SNX6: variants seen among roughly 807,000 people sequenced by gnomAD.
The protein encoded by SNX6 is sorting nexin 6, also known as sorting nexin-6.
In SNX6, 34 loss-of-function variants were observed where a neutral mutation model predicts 63.0. The observed-to-expected ratio is 0.54, with a 90% CI of 0.41 to 0.72. The LOEUF (loss-of-function observed/expected upper bound fraction) is 0.72, where lower values mean the gene tolerates loss of function less well. SNX6 is among the 30% of genes least tolerant of loss of function. The pLI is 0.00. For missense variants in SNX6, 398 were observed against 471.4 expected (o/e 0.84, Z 1.44); for synonymous variants, 170 against 164.2 (o/e 1.04, Z -0.27).
intron 10 of SNX6, among the ~76,000 whole-genome samples, chr14:34,577,501 T>C (rs1321742375): frequency 2.0e-5 from 3 of 152,102 alleles, no homozygotes; most frequent in Non-Finnish European, 4.4e-5. Context: ...AGCTAGAAAA[T>C]GCAGTCAAAG....
chr14:34,563,068 A>G lies in SNX6; in HGVS notation c.*54T>C. ...AAATGCTTAACATCATTAAGAAAAC[A>G]AAAATAAAATTTGAAGGAAGGCAGC... On this transcript the variant is annotated 3_prime_UTR_variant, in exon 14 of 14. Transcript: ENST00000362031. 4 of 1,565,236 alleles carry G rather than the reference A, an allele frequency of 2.6e-6. No homozygotes were observed. Among genetic ancestry groups the G allele is most frequent in the Non-Finnish European group, 2.6e-6 (3 of 1,142,510 alleles).
Position 34,614,891 on chromosome 14 carries a change from A to G in SNX6, c.55-5149T>C, listed in dbSNP as rs1883361141. On this transcript the variant is annotated intron_variant, in intron 2 of 13. Transcript: ENST00000362031. ...CTGCACTCCAGTCTCGTAAGACCCT[A>G]TTTCAAAAATTTTTCTTCCAGATTT... 2.0e-5 allele frequency among the ~76,000 whole-genome samples: 3 copies of G among 152,148 alleles called. No homozygotes were observed. In the South Asian group the frequency reaches 6.2e-4, roughly 32 times the overall value.
At chr14:34,593,401 ACT>A (rs1882475163) in intron 7 of SNX6, among the ~76,000 whole-genome samples, 1 of 147,826 alleles carries the variant, frequency 6.8e-6, no homozygotes. Flanking sequence ...CACGTGCTGT[ACT>A]CTTTTTTTTT....
At chr14:34,609,380 C>T (rs1283413334) in intron 3 of SNX6, among the ~76,000 whole-genome samples, 1 of 146,256 alleles carries the variant, frequency 6.8e-6, no homozygotes, top group Non-Finnish European at 1.5e-5. Flanking sequence ...ACTCTGGAGG[C>T]TGAGGCAGGA....
chr14:34,612,563 A>G, intron 2 of SNX6, among the ~76,000 whole-genome samples: 1 of 152,002 alleles, frequency 6.6e-6, no homozygotes, highest in East Asian at 2.0e-4. Flanking sequence ...CCTCCCGAGT[A>G]GCTAGGACTA....
intron 2 of SNX6, among the ~76,000 whole-genome samples, chr14:34,617,232 G>A (rs902616004): frequency 1.3e-5 from 2 of 152,076 alleles, no homozygotes; most frequent in African/African-American, 2.4e-5. Flanking sequence ...CATGTGTGTC[G>A]CTGGTCAAGA....
intron 7 of SNX6, among the ~76,000 whole-genome samples, chr14:34,594,825 A>C (rs1882535463): frequency 6.6e-6 from 1 of 152,112 alleles, no homozygotes. Flanking sequence ...AGCTGGATAC[A>C]GTGGCTCACA....
At position 34,597,565 on chromosome 14, in the gene SNX6, G is replaced by A. The variant is rs551819865; in HGVS notation, c.597C>T (p.Ile199=). 3.3e-5 allele frequency: 53 copies of A among 1,596,158 alleles called. No individual in the cohort carries two copies. The highest frequency in any genetic ancestry group is 2.8e-4 in the South Asian group (25 of 89,088). The change falls in exon 7 of 14, where the codon ATC becomes ATT. Residue 199 remains isoleucine, a synonymous_variant. Coordinates refer to ENST00000362031, the MANE Select transcript of SNX6 (RefSeq NM_152233.4). ...KNMVKSADGV[I]VSGVKDVDDF... ...AAAATCTTACCTTTACTCCTGAAAC[G>A]ATTACTCCATCTGCTGATTTAACCA... is the stretch of plus-strand genomic sequence containing the variant.
At chr14:34,590,244 C>T (rs1594718853) in intron 8 of SNX6, among the ~76,000 whole-genome samples, 1 of 151,840 alleles carries the variant, frequency 6.6e-6, no homozygotes, top group South Asian at 2.1e-4. Context: ...CTGGCTAACA[C>T]AGTGAAACCC....
At chr14:34,564,903 T>C (rs1180914280) in intron 13 of SNX6, among the ~76,000 whole-genome samples, 3 of 151,994 alleles carry the variant, frequency 2.0e-5, no homozygotes, top group Admixed American at 6.6e-5. Context: ...AGCAAACTTT[T>C]TGTGTAAAAG....
chr14:34,570,725 C>CTTT (rs35102326), intron 11 of SNX6, among the ~76,000 whole-genome samples: 12 of 114,380 alleles, frequency 1.0e-4, no homozygotes, highest in African/African-American at 3.5e-4. Context: ...CTGGCCTTCT[C>CTTT]TTTTTTTTTT....
chr14:34,587,227 T>C (rs1392598561), intron 8 of SNX6, among the ~76,000 whole-genome samples: 2 of 151,502 alleles, frequency 1.3e-5, no homozygotes, highest in Non-Finnish European at 1.5e-5. Context: ...CAATTTGAAA[T>C]TGAAATTTTA....
At chr14:34,568,556 A>C (rs1034411955) in intron 11 of SNX6, 3 of 544,716 alleles carry the variant, frequency 5.5e-6, no homozygotes, top group Non-Finnish European at 9.9e-6. Context: ...GGCAGGTCTC[A>C]AACTCCTGGC....
chr14:34,599,781 A>AG (rs1194557996), intron 6 of SNX6, among the ~76,000 whole-genome samples: 2 of 151,134 alleles, frequency 1.3e-5, no homozygotes, highest in African/African-American at 4.9e-5. Flanking sequence ...CTCAAAAAAA[A>AG]AAAAAAAAAA....
chr14:34,568,766 G>A (rs752712101), intron 11 of SNX6: 58 of 905,654 alleles, frequency 6.4e-5, no homozygotes, highest in Middle Eastern at 2.9e-4. Flanking sequence ...GTCAGTTTGC[G>A]GCCCCCATCT....
Position 34,605,721 on chromosome 14 carries a change from T to C in SNX6, c.271-4A>G. Reference sequence around the variant, plus strand: ...GTCTTGGTGGTGCTGGTGGAATCTGTAACAGGACCAAATGACTAATTTTAA... The same window carrying C: ...GTCTTGGTGGTGCTGGTGGAATCTGCAACAGGACCAAATGACTAATTTTAA... On this transcript the variant is annotated splice_polypyrimidine_tract_variant and splice_region_variant and intron_variant, in intron 4 of 13. Coordinates refer to ENST00000362031, the MANE Select transcript of SNX6 (RefSeq NM_152233.4). 6.3e-7 allele frequency: 1 copy of C among 1,591,388 alleles called. No homozygotes were observed. The highest frequency in any genetic ancestry group is 8.5e-7 in the Non-Finnish European group (1 of 1,174,386).
intron 10 of SNX6, among the ~76,000 whole-genome samples, chr14:34,580,110 C>T (rs574947103): frequency 6.6e-6 from 1 of 152,150 alleles, no homozygotes; most frequent in East Asian, 1.9e-4. Context: ...ACCTGGGAGG[C>T]GAAGGATGCA....
Position 34,605,546 on chromosome 14 carries a change from AG to A in SNX6, c.392+49del, listed in dbSNP as rs1301700568. 9.7e-6 allele frequency: 14 copies of A among 1,443,718 alleles called. No homozygotes were observed. In the Middle Eastern group the frequency reaches 1.7e-3, roughly 178 times the overall value. 89.4% of individuals were successfully genotyped at this position (1,443,718 alleles called of 1,614,324 possible). A position where few individuals can be genotyped will look rare whatever the true frequency, so the allele number is the denominator to read the frequency against. On this transcript the variant is annotated intron_variant, in intron 5 of 13. Coordinates refer to ENST00000362031, the MANE Select transcript of SNX6 (RefSeq NM_152233.4). ...GCATTAAAGCAAGCACAATTAACAA[AG>A]GCAACAACAACCAAAAAAAAAAAAC...
intron 11 of SNX6, among the ~76,000 whole-genome samples, chr14:34,573,598 G>C (rs114440516): frequency 0.021 from 3,169 of 151,598 alleles, 105 homozygotes; most frequent in African/African-American, 0.068. Context: ...ATTGTTTTTG[G>C]TTAGTGTTTT....
Sources: allele counts gnomAD v4.1 joint callset (sites outside exome capture counted in the v4.1 genomes callset), GRCh38; gene constraint gnomAD v4.1.1; transcripts MANE v1.5; gene names NCBI Gene and HGNC (gene_info 2026-07-23, HGNC 2026-07-21).